The following MACROD1 variants were observed in gnomAD, a reference collection of about 807,000 sequenced individuals.
MACROD1 encodes the protein mono-ADP ribosylhydrolase 1.
A neutral mutation model predicts 41.4 loss-of-function variants in MACROD1; 31 were observed. That is an observed-to-expected ratio of 0.75 (90% CI 0.56 to 1.01). The LOEUF (loss-of-function observed/expected upper bound fraction) is 1.01, where lower values mean the gene tolerates loss of function less well. Among genes scored for constraint, MACROD1 ranks in the 50% least tolerant of loss-of-function variants. The pLI, the probability that MACROD1 is intolerant of heterozygous loss-of-function variation, is 0.00. For missense variants in MACROD1, 473 were observed against 460.0 expected (o/e 1.03, Z -0.26); for synonymous variants, 252 against 203.4 (o/e 1.24, Z -2.03).
intron 3 of MACROD1, among the ~76,000 whole-genome samples, chr11:64,098,199 C>T (rs565507356): frequency 1.7e-4 from 26 of 152,328 alleles, no homozygotes; most frequent in African/African-American, 6.3e-4. Flanking sequence ...GGCACCCTCA[C>T]AGCCTCCCCC....
At chr11:64,040,088 C>A (rs1291982202) in intron 3 of MACROD1, among the ~76,000 whole-genome samples, 1 of 152,250 alleles carries the variant, frequency 6.6e-6, no homozygotes, top group Non-Finnish European at 1.5e-5. Context: ...TTGCCAGGCA[C>A]AGTGCTGGGC....
In MACROD1 at chr11:64,165,865, G is replaced by A; in HGVS notation, c.130C>T (p.Pro44Ser). Reference sequence around the variant, plus strand: ...CCGAACACGCCCAGGAACGCCGGGGGACCGCACGTGCTGCTGCGGGTCCTC... The same window carrying A: ...CCGAACACGCCCAGGAACGCCGGGGAACCGCACGTGCTGCTGCGGGTCCTC... The part of the protein sequence containing the change: ...ATRTRSSTCG[P>S]PAFLGVFGRR... The change falls in exon 1 of 11, where the codon CCC becomes TCC. Residue 44 changes from proline to serine, a missense_variant. Physicochemically the swap from Pro to Ser is moderately conservative, Grantham distance 74. Transcript: ENST00000255681. The A allele has an allele frequency of 5.5e-6, 8 of 1,446,926 alleles. No individual in the cohort carries two copies. The highest frequency in any genetic ancestry group is 7.3e-6 in the Non-Finnish European group (8 of 1,101,178). The allele number at this position is 1,446,926 out of a possible 1,614,324, so 89.6% of individuals were successfully genotyped here.
At position 64,015,162 on chromosome 11, in the gene MACROD1, A is replaced by G. The variant is rs907026343; in HGVS notation, c.547+90T>C. On this transcript the variant is annotated intron_variant, in intron 4 of 10. Coordinates refer to ENST00000255681, the MANE Select transcript of MACROD1 (RefSeq NM_014067.4). Reference sequence around the variant, plus strand: ...AGTGGGGAAGGTGGATTGCAGTGAGATGGGCACCGAGGGCGAGGGGCAGGG... The same window carrying G: ...AGTGGGGAAGGTGGATTGCAGTGAGGTGGGCACCGAGGGCGAGGGGCAGGG... 89 of 1,348,822 alleles carry G rather than the reference A, an allele frequency of 6.6e-5. No individual in the cohort carries two copies. The South Asian group carries it at 1.2e-3, about 18-fold the overall frequency. The allele number at this position is 1,348,822 out of a possible 1,614,324, so 83.6% of individuals were successfully genotyped here. A position where few individuals can be genotyped will look rare whatever the true frequency, so the allele number is the denominator to read the frequency against.
chr11:64,021,978 T>TGGGG (rs1943163251), intron 3 of MACROD1, among the ~76,000 whole-genome samples: 4 of 1,932 alleles, frequency 2.1e-3, no homozygotes, highest in Admixed American at 8.1e-3. Context: ...GCAGTGGATC[T>TGGGG]GGAGGGGTGG....
At chr11:64,099,503 C>G (rs528719486) in intron 3 of MACROD1, among the ~76,000 whole-genome samples, 3 of 151,722 alleles carry the variant, frequency 2.0e-5, no homozygotes, top group Non-Finnish European at 2.9e-5. Context: ...GATGAATGGA[C>G]AGACGGATAG....
At chr11:64,040,482 A>G (rs1336245626) in intron 3 of MACROD1, among the ~76,000 whole-genome samples, 4 of 152,080 alleles carry the variant, frequency 2.6e-5, no homozygotes, top group Admixed American at 2.6e-4. Flanking sequence ...ATCCATCCCC[A>G]GCTCTCTCAG....
Position 64,165,948 on chromosome 11 carries a change from G to A in MACROD1, c.47C>T (p.Ala16Val), listed in dbSNP as rs1945838013. Residue 16 changes from alanine to valine, a missense_variant, in exon 1 of 11, where the codon GCG becomes GTG. Ala to Val is a moderately conservative substitution (Grantham distance 64, BLOSUM62 0). Coordinates refer to ENST00000255681, the MANE Select transcript of MACROD1 (RefSeq NM_014067.4). The part of the protein sequence containing the change: ...RLSGRLAQLR[A>V]AGQLLVPPRP... The stretch of plus-strand genomic sequence containing the variant: ...CGGGGGGACGAGCAGCTGCCCCGCC[G>A]CGCGCAGCTGTGCCAGGCGGCCGGA... The A allele has an allele frequency of 5.3e-6, 7 of 1,310,780 alleles. No homozygotes were observed. In the South Asian group the frequency reaches 1.2e-4, roughly 22 times the overall value. 81.2% of individuals were successfully genotyped at this position (1,310,780 alleles called of 1,614,324 possible).
intron 3 of MACROD1, among the ~76,000 whole-genome samples, chr11:64,140,628 C>T (rs376813137): frequency 9.8e-5 from 15 of 152,346 alleles, no homozygotes; most frequent in East Asian, 7.7e-4. Context: ...ATCTCCTGGG[C>T]GCTCACTCTG....
chr11:64,134,796 CCT>C (rs1945310605), intron 3 of MACROD1, among the ~76,000 whole-genome samples: 1 of 152,230 alleles, frequency 6.6e-6, no homozygotes, highest in Non-Finnish European at 1.5e-5. Flanking sequence ...TTGTTTTTCT[CCT>C]ACCGGGAATT....
intron 3 of MACROD1, chr11:64,118,390 G>A (rs775096323): frequency 1.4e-5 from 19 of 1,372,232 alleles, no homozygotes; most frequent in Non-Finnish European, 1.8e-5. Flanking sequence ...GCAAGGAAGA[G>A]AAATTCCATG....
intron 3 of MACROD1, among the ~76,000 whole-genome samples, chr11:64,127,650 A>G (rs1187297556): frequency 2.6e-5 from 4 of 152,326 alleles, no homozygotes; most frequent in African/African-American, 9.6e-5. Flanking sequence ...GGGGACCCAG[A>G]GCTGAACCAG....
intron 3 of MACROD1, among the ~76,000 whole-genome samples, chr11:64,089,393 A>G (rs1299501344): frequency 1.3e-5 from 2 of 152,160 alleles, no homozygotes; most frequent in Non-Finnish European, 2.9e-5. Flanking sequence ...CAGGAGGCTT[A>G]TCATCTCTGA....
At chr11:64,130,833 A>C (rs1241331209) in intron 3 of MACROD1, among the ~76,000 whole-genome samples, 1 of 152,190 alleles carries the variant, frequency 6.6e-6, no homozygotes, top group Non-Finnish European at 1.5e-5. Context: ...TGGAGTGCTA[A>C]CTGACAGCAC....
At chr11:64,100,786 AG>A (rs1944657580) in intron 3 of MACROD1, among the ~76,000 whole-genome samples, 1 of 152,156 alleles carries the variant, frequency 6.6e-6, no homozygotes, top group Non-Finnish European at 1.5e-5. Flanking sequence ...CCACTTATCC[AG>A]GGCACAGACG....
chr11:64,116,420 C>T (rs1944982564), intron 3 of MACROD1: 1 of 1,614,040 alleles, frequency 6.2e-7, no homozygotes, highest in Admixed American at 1.7e-5. Flanking sequence ...TCATCGACAG[C>T]ACCACCTGCC....
At chr11:64,015,414 C>G (rs1943067621) in intron 3 of MACROD1, 133 bp from the exon 4 acceptor site, 1 of 734,010 alleles carries the variant, frequency 1.4e-6, no homozygotes, top group Non-Finnish European at 2.2e-6. Flanking sequence ...CAGGGTCTTC[C>G]CAGTCCTCCG....
At chr11:64,116,171 C>T (rs1010361528) in intron 3 of MACROD1, 34 of 1,497,734 alleles carry the variant, frequency 2.3e-5, no homozygotes, top group Non-Finnish European at 2.7e-5. Flanking sequence ...CTCCTGGGGT[C>T]GCTGTCGCCG....
intron 3 of MACROD1, among the ~76,000 whole-genome samples, chr11:64,019,168 C>T (rs1943120691): frequency 6.6e-6 from 1 of 152,206 alleles, no homozygotes; most frequent in Non-Finnish European, 1.5e-5. Context: ...TTGGAGTCAC[C>T]TGTAGGCCCC....
intron 3 of MACROD1, among the ~76,000 whole-genome samples, chr11:64,092,718 A>T (rs1944511197): frequency 6.6e-6 from 1 of 152,220 alleles, no homozygotes; most frequent in Admixed American, 6.5e-5. Context: ...GCATGTCACC[A>T]GCACCAGGCC....
Sources: gnomAD v4.1 joint callset for allele counts (sites outside exome capture counted in the v4.1 genomes callset) on GRCh38, gnomAD v4.1.1 for gene constraint, MANE v1.5 for transcripts, NCBI Gene and HGNC (gene_info 2026-07-23, HGNC 2026-07-21) for gene names.